PSME4: variants seen among roughly 807,000 people sequenced by gnomAD.
The protein encoded by PSME4 is proteasome activator subunit 4.
A neutral mutation model predicts 253.9 loss-of-function variants in PSME4; 89 were observed. That is an observed-to-expected ratio of 0.35 (90% CI 0.30 to 0.42). The LOEUF is 0.42. Among genes scored for constraint, PSME4 ranks in the 10% least tolerant of loss-of-function variants. PSME4 has a pLI of 1.00. For synonymous variants in PSME4, 851 were observed against 759.2 expected (o/e 1.12, Z -1.99); for missense variants, 2,014 against 2,195.2 (o/e 0.92, Z 1.65).
intron 1 of PSME4, among the ~76,000 whole-genome samples, chr2:53,955,417 A>G (rs762031581): frequency 5.9e-5 from 9 of 152,166 alleles, no homozygotes; most frequent in Non-Finnish European, 1.2e-4. Context: ...TAGCGTTAGT[A>G]TATTTTATGT....
At position 53,899,964 on chromosome 2, in the gene PSME4, G is replaced by C. The variant is rs1558664208; in HGVS notation, c.3339C>G (p.Pro1113=). 6.2e-7 allele frequency: 1 copy of C among 1,613,522 alleles called. No homozygotes were observed. Among genetic ancestry groups the C allele is most frequent in the East Asian group, 2.2e-5 (1 of 44,862 alleles). Residue 1113 remains proline (P), a synonymous_variant, in exon 29 of 47, where the codon CCC becomes CCG. Coordinates refer to ENST00000404125, the MANE Select transcript of PSME4 (RefSeq NM_014614.3). The stretch of plus-strand genomic sequence containing the variant: ...GGCTAAGCAATATCTGGTTGATAGA[G>C]GGGTTTTTTGACTGTTGAAGTAATT... ...IAELLQQSKN[P]SINQILLSPE...
At chr2:53,957,714 C>A (rs747099304) in intron 1 of PSME4, among the ~76,000 whole-genome samples, 3 of 152,180 alleles carry the variant, frequency 2.0e-5, no homozygotes, top group Non-Finnish European at 4.4e-5. Flanking sequence ...TAAGTATCAC[C>A]ATTTTGGAAT....
intron 41 of PSME4, among the ~76,000 whole-genome samples, chr2:53,876,600 A>C (rs1442896742): frequency 6.7e-6 from 1 of 149,328 alleles, no homozygotes; most frequent in Non-Finnish European, 1.5e-5. Flanking sequence ...TATATATATA[A>C]GCTTTCCCTC....
intron 20 of PSME4, among the ~76,000 whole-genome samples, chr2:53,917,556 T>C (rs759691092): frequency 2.0e-5 from 3 of 152,148 alleles, no homozygotes; most frequent in Non-Finnish European, 4.4e-5. Context: ...CCTTCAGCAG[T>C]GCATCCTAAT....
chr2:53,940,461 T>C (rs10211252), intron 3 of PSME4, among the ~76,000 whole-genome samples: 2,213 of 152,152 alleles, frequency 0.015, 59 homozygotes, highest in African/African-American at 0.051. Context: ...CCCAGGCACT[T>C]TAAGGCCAGC....
intron 20 of PSME4, 81 bp downstream of exon 20, chr2:53,919,070 A>G (rs1466025601): frequency 1.3e-5 from 17 of 1,352,518 alleles, no homozygotes; most frequent in Admixed American, 4.6e-5. Context: ...AATAAAAGCA[A>G]TAACAACAAC....
intron 16 of PSME4, 84 bp from the exon 17 acceptor site, chr2:53,922,668 T>A: frequency 6.8e-7 from 1 of 1,464,176 alleles, no homozygotes; most frequent in South Asian, 1.3e-5. Context: ...ATTTAATATT[T>A]CCAATAGCTG....
At chr2:53,929,332 C>G (rs1452030537) in intron 10 of PSME4, among the ~76,000 whole-genome samples, 3 of 152,096 alleles carry the variant, frequency 2.0e-5, no homozygotes, top group Admixed American at 2.0e-4. Flanking sequence ...TTTACTCTGC[C>G]CCAGGCTGGA....
chr2:53,896,007 T>C (rs894883961), intron 32 of PSME4, among the ~76,000 whole-genome samples: 1 of 152,168 alleles, frequency 6.6e-6, no homozygotes, highest in Non-Finnish European at 1.5e-5. Flanking sequence ...AAAGGATTAA[T>C]TTTGTTTAAA....
chr2:53,874,659 G>A (rs535370134), intron 42 of PSME4, among the ~76,000 whole-genome samples, 165 bp from the exon 43 acceptor site: 2 of 152,356 alleles, frequency 1.3e-5, no homozygotes, highest in African/African-American at 4.8e-5. Flanking sequence ...GGTTGAATGA[G>A]GCTGGGCACA....
At chr2:53,903,710 C>T (rs554483257) in intron 27 of PSME4, among the ~76,000 whole-genome samples, 4 of 152,090 alleles carry the variant, frequency 2.6e-5, no homozygotes, top group Non-Finnish European at 5.9e-5. Flanking sequence ...AATTATTTTC[C>T]TCAGGAAAGT....
chr2:53,925,921 G>T, intron 13 of PSME4, 38 bp downstream of exon 13: 2 of 1,569,248 alleles, frequency 1.3e-6, no homozygotes, highest in Non-Finnish European at 1.8e-6. Context: ...TCATTTTCTA[G>T]AATTTCAGCT....
chr2:53,951,913 C>T (rs72799275), intron 1 of PSME4, among the ~76,000 whole-genome samples: 7,407 of 152,216 alleles, frequency 0.049, 409 homozygotes, highest in East Asian at 0.29. Flanking sequence ...AAAGATCCTA[C>T]ACCCAAATAT....
Position 53,904,138 on chromosome 2 carries a change from G to C in PSME4, c.2962C>G (p.Gln988Glu). 6.2e-7 allele frequency: 1 copy of C among 1,611,814 alleles called. No homozygotes were observed. The highest frequency in any genetic ancestry group is 1.7e-5 in the Admixed American group (1 of 59,820). Residue 988 changes from glutamine (Q) to glutamate (E), a missense_variant, in exon 27 of 47, where the codon CAA becomes GAA. Coordinates refer to ENST00000404125, the MANE Select transcript of PSME4 (RefSeq NM_014614.3). ...GCTCCCAAGGCAGCAAAAAATGTTT[G>C]CTGAGCCTTATTTCTCACCTGGAGG... The part of the protein sequence containing the change: ...SYSQVRNKAQ[Q>E]TFFAALGAYN...
In PSME4 at chr2:53,893,708, TCTTTTC is replaced by T. The variant is rs1680016817; in HGVS notation, c.3998_4003del (p.Gly1333_Lys1334del). 1.2e-6 allele frequency: 2 copies of T among 1,610,718 alleles called. No homozygotes were observed. The highest frequency in any genetic ancestry group is 1.7e-6 in the Non-Finnish European group (2 of 1,178,304). ...GCAAAAACGTCGTGGATTAAACTTA[TCTTTTC>T]CTTTTCTGTCTTCTAATGATAGAAA... is the stretch of plus-strand genomic sequence containing the variant. On this transcript the variant is annotated inframe_deletion, in exon 35 of 47. Transcript: ENST00000404125.
chr2:53,923,196 G>C, intron 15 of PSME4, 78 bp from the exon 16 acceptor site: 1 of 1,476,184 alleles, frequency 6.8e-7, no homozygotes. Flanking sequence ...GGCAGTAAAA[G>C]GCTGTAAATA....
chr2:53,873,690 T>A (rs1283145023), intron 43 of PSME4, among the ~76,000 whole-genome samples: 1 of 152,222 alleles, frequency 6.6e-6, no homozygotes, highest in African/African-American at 2.4e-5. Context: ...GTCTACTGGA[T>A]AGCAGCGCCT....
chr2:53,898,951 A>T (rs1246330590), intron 29 of PSME4, among the ~76,000 whole-genome samples: 2 of 152,208 alleles, frequency 1.3e-5, no homozygotes, highest in Non-Finnish European at 2.9e-5. Flanking sequence ...ACTTGAATTT[A>T]GGAATTAATG....
At chr2:53,944,776 T>G (rs1429703036) in intron 3 of PSME4, among the ~76,000 whole-genome samples, 1 of 152,082 alleles carries the variant, frequency 6.6e-6, no homozygotes, top group African/African-American at 2.4e-5. Flanking sequence ...TGTGGGGAGC[T>G]GAGGACAAAG....
Sources: allele counts gnomAD v4.1 joint callset (sites outside exome capture counted in the v4.1 genomes callset), GRCh38; gene constraint gnomAD v4.1.1; transcripts MANE v1.5; gene names NCBI Gene and HGNC (gene_info 2026-07-23, HGNC 2026-07-21).